Variants in NEGR1 observed in about 807,000 individuals in gnomAD.
NEGR1 encodes the protein neuronal growth regulator 1, also known as IgLON family member 4.
In NEGR1, 10 loss-of-function variants were observed where a neutral mutation model predicts 40.9. The ratio of observed to expected loss-of-function variants is 0.24; its 90% confidence interval spans 0.15 to 0.42. NEGR1 has a LOEUF of 0.42. Among genes scored for constraint, NEGR1 ranks in the 10% least tolerant of loss-of-function variants. NEGR1 has a pLI of 1.00. For synonymous variants in NEGR1, 185 were observed against 166.8 expected, an observed-to-expected ratio of 1.11 and a Z score of -0.84; for missense variants, 352 against 438.9, an observed-to-expected ratio of 0.80 and a Z score of 1.77.
At chr1:71,520,862 A>G (rs1351300169) in intron 6 of NEGR1, among the ~76,000 whole-genome samples, 1 of 152,024 alleles carries the variant, frequency 6.6e-6, no homozygotes, top group Non-Finnish European at 1.5e-5. Context: ...ATTACAAGTT[A>G]CCCTGCTTTT....
chr1:72,022,948 A>T (rs1465039524), intron 1 of NEGR1, among the ~76,000 whole-genome samples: 1 of 152,228 alleles, frequency 6.6e-6, no homozygotes, highest in African/African-American at 2.4e-5. Context: ...CAAAGTAGTA[A>T]GAATAAAATA....
At chr1:71,527,609 C>T (rs17503430) in intron 6 of NEGR1, among the ~76,000 whole-genome samples, 15,317 of 151,510 alleles carry the variant, frequency 0.1, 1,116 homozygotes, top group Non-Finnish European at 0.14. Context: ...TATTAGAGTA[C>T]ACTATCACAA....
At chr1:71,722,059 G>T (rs371789783) in intron 3 of NEGR1, among the ~76,000 whole-genome samples, 1 of 152,044 alleles carries the variant, frequency 6.6e-6, no homozygotes, top group Admixed American at 6.6e-5. Context: ...TAAGCATAAC[G>T]AAATGACATT....
intron 1 of NEGR1, among the ~76,000 whole-genome samples, chr1:72,140,146 G>A (rs772664315): frequency 6.6e-5 from 10 of 152,054 alleles, no homozygotes; most frequent in Non-Finnish European, 1.2e-4. Flanking sequence ...ATTAATTTCT[G>A]AATCCTTATG....
At chr1:71,485,087 C>G (rs1646878067) in intron 6 of NEGR1, among the ~76,000 whole-genome samples, 1 of 151,698 alleles carries the variant, frequency 6.6e-6, no homozygotes, top group East Asian at 1.9e-4. Flanking sequence ...TGTCCCCAAG[C>G]TTGAGGGTAT....
chr1:71,567,658 C>A (rs750020028), intron 6 of NEGR1, among the ~76,000 whole-genome samples: 8 of 152,012 alleles, frequency 5.3e-5, no homozygotes, highest in Non-Finnish European at 8.8e-5. Context: ...TAATTGATTT[C>A]TGTATTGTTC....
intron 1 of NEGR1, among the ~76,000 whole-genome samples, chr1:72,180,918 C>G (rs546030429): frequency 2.0e-5 from 3 of 152,134 alleles, no homozygotes; most frequent in South Asian, 2.1e-4. Flanking sequence ...TTTTCTATAG[C>G]TTCCTCCTCA....
intron 4 of NEGR1, among the ~76,000 whole-genome samples, chr1:71,646,424 T>C (rs1651532339): frequency 6.6e-6 from 1 of 151,826 alleles, no homozygotes; most frequent in African/African-American, 2.4e-5. Flanking sequence ...GAACCCTTGT[T>C]ACTTAGGAAG....
At chr1:72,234,003 T>C (rs1046122903) in intron 1 of NEGR1, among the ~76,000 whole-genome samples, 3 of 152,120 alleles carry the variant, frequency 2.0e-5, no homozygotes, top group African/African-American at 7.2e-5. Flanking sequence ...TTATTTTAAG[T>C]TCAGGGGTAC....
intron 2 of NEGR1, among the ~76,000 whole-genome samples, chr1:71,894,599 A>G (rs1220851121): frequency 6.6e-6 from 1 of 152,232 alleles, no homozygotes; most frequent in Non-Finnish European, 1.5e-5. Context: ...TGACAAATCC[A>G]ATCAAGACTC....
At chr1:71,649,678 A>C (rs545854938) in intron 4 of NEGR1, among the ~76,000 whole-genome samples, 46 of 152,252 alleles carry the variant, frequency 3.0e-4, no homozygotes, top group Admixed American at 2.2e-3. Context: ...GTAATTTGTA[A>C]AACTGACAAT....
intron 6 of NEGR1, among the ~76,000 whole-genome samples, chr1:71,577,845 A>G (rs1211365448): frequency 2.6e-5 from 4 of 152,112 alleles, no homozygotes; most frequent in African/African-American, 7.2e-5. Context: ...AAAGATAATA[A>G]TGTTGTCCTT....
At chr1:71,979,084 A>T (rs146212665) in intron 1 of NEGR1, among the ~76,000 whole-genome samples, 190 of 152,336 alleles carry the variant, frequency 1.2e-3, no homozygotes, top group African/African-American at 4.3e-3. Flanking sequence ...GGAGGCCATC[A>T]TCCTTAGCAA....
intron 1 of NEGR1, among the ~76,000 whole-genome samples, chr1:72,143,321 C>T (rs1650757463): frequency 6.6e-6 from 1 of 151,812 alleles, no homozygotes; most frequent in Non-Finnish European, 1.5e-5. Flanking sequence ...ACTAGATTTC[C>T]CCAAGATTGG....
chr1:72,195,914 G>A (rs1389841329), intron 1 of NEGR1, among the ~76,000 whole-genome samples: 1 of 152,010 alleles, frequency 6.6e-6, no homozygotes, highest in Non-Finnish European at 1.5e-5. Context: ...ACTGAGAGCA[G>A]TTTTGTAGAC....
intron 3 of NEGR1, among the ~76,000 whole-genome samples, chr1:71,764,979 G>A (rs541450421): frequency 6.6e-6 from 1 of 152,036 alleles, no homozygotes; most frequent in African/African-American, 2.4e-5. Flanking sequence ...CAGCTCAGTG[G>A]TTGGACCGAG....
intron 1 of NEGR1, among the ~76,000 whole-genome samples, chr1:72,058,062 A>C (rs1032181179): frequency 2.0e-5 from 3 of 151,450 alleles, no homozygotes; most frequent in African/African-American, 7.3e-5. Context: ...TTAGTTGGGA[A>C]ACATCTGAAG....
chr1:72,044,033 C>G (rs906087458), intron 1 of NEGR1, among the ~76,000 whole-genome samples: 9 of 151,776 alleles, frequency 5.9e-5, no homozygotes, highest in African/African-American at 2.2e-4. Context: ...CAAGTAAAAG[C>G]CTTTATCATC....
intron 1 of NEGR1, among the ~76,000 whole-genome samples, chr1:72,166,895 C>T (rs1289357216): frequency 6.6e-6 from 1 of 151,968 alleles, no homozygotes; most frequent in Non-Finnish European, 1.5e-5. Flanking sequence ...TAATTTACCA[C>T]TTAAAAACAA....
Sources: gnomAD v4.1 joint callset for allele counts (sites outside exome capture counted in the v4.1 genomes callset) on GRCh38, gnomAD v4.1.1 for gene constraint, MANE v1.5 for transcripts, NCBI Gene and HGNC (gene_info 2026-07-23, HGNC 2026-07-21) for gene names.